Variants in TGS1 observed in about 807,000 individuals in gnomAD.
The protein encoded by TGS1 is trimethylguanosine synthase.
A neutral mutation model predicts 92.2 loss-of-function variants in TGS1; 69 were observed. The observed-to-expected ratio is 0.75, with a 90% CI of 0.62 to 0.91. TGS1 has a LOEUF of 0.91. Among genes scored for constraint, TGS1 ranks in the 40% least tolerant of loss-of-function variants. TGS1 has a pLI of 0.00. For synonymous variants in TGS1, 345 were observed against 338.1 expected, an observed-to-expected ratio of 1.02 and a Z score of -0.22; for missense variants, 1,062 against 1,001.2, an observed-to-expected ratio of 1.06 and a Z score of -0.82.
chr8:55,820,273 G>A (rs1464064274), intron 12 of TGS1, among the ~76,000 whole-genome samples: 3 of 152,102 alleles, frequency 2.0e-5, no homozygotes, highest in Admixed American at 6.6e-5. Context: ...TGCTCCAGGC[G>A]CAGTGGCTTA....
At chr8:55,812,180 GT>G (rs2130231752) in intron 11 of TGS1, among the ~76,000 whole-genome samples, 1 of 151,990 alleles carries the variant, frequency 6.6e-6, no homozygotes, top group South Asian at 2.1e-4. Flanking sequence ...CCTCTCCACC[GT>G]AATCATCTGT....
chr8:55,792,317 C>T (rs546645714), intron 5 of TGS1, among the ~76,000 whole-genome samples: 178 of 152,108 alleles, frequency 1.2e-3, no homozygotes, highest in African/African-American at 4.3e-3. Context: ...ACTTATCAAA[C>T]GTTTCCTTGT....
intron 2 of TGS1, among the ~76,000 whole-genome samples, chr8:55,783,783 A>G (rs959283594): frequency 5.3e-5 from 8 of 152,200 alleles, no homozygotes; most frequent in African/African-American, 1.7e-4. Flanking sequence ...GATGGAACAA[A>G]TTACTGTTTC....
At chr8:55,779,097 T>C (rs1811481360) in intron 1 of TGS1, among the ~76,000 whole-genome samples, 2 of 152,210 alleles carry the variant, frequency 1.3e-5, no homozygotes, top group African/African-American at 4.8e-5. Flanking sequence ...ACAAATCTTC[T>C]ATTTTTGAGG....
intron 1 of TGS1, among the ~76,000 whole-genome samples, chr8:55,774,306 C>T (rs186181616): frequency 6.8e-4 from 103 of 152,206 alleles, no homozygotes; most frequent in African/African-American, 2.4e-3. Context: ...GAATTGTTTC[C>T]TTTATATTAA....
intron 6 of TGS1, among the ~76,000 whole-genome samples, chr8:55,793,105 T>A (rs1811929587): frequency 6.6e-6 from 1 of 152,256 alleles, no homozygotes; most frequent in South Asian, 2.1e-4. Flanking sequence ...TCTTCTCACC[T>A]AGTGTCTCAC....
At chr8:55,776,984 G>T (rs1811419405) in intron 1 of TGS1, among the ~76,000 whole-genome samples, 1 of 151,174 alleles carries the variant, frequency 6.6e-6, no homozygotes, top group Non-Finnish European at 1.5e-5. Context: ...GTTCTTGGGT[G>T]TTTTTTTTGT....
intron 9 of TGS1, among the ~76,000 whole-genome samples, chr8:55,802,842 C>T (rs1425038360): frequency 6.6e-6 from 1 of 152,136 alleles, no homozygotes; most frequent in African/African-American, 2.4e-5. Context: ...TGTATATTTG[C>T]TAAGGACAAG....
rs778088051 is a variant in TGS1 at position 55,790,300 on chromosome 8, G to A, written c.1280+1G>A. ...ATAAGCCAAGCAAACTGAAGAGGAGGTAAGTTACATGAGACCCCTCTCACC... is the reference window on the plus strand; with the variant it reads ...ATAAGCCAAGCAAACTGAAGAGGAGATAAGTTACATGAGACCCCTCTCACC... On this transcript the variant is annotated splice_donor_variant, in intron 5 of 12. Coordinates refer to ENST00000260129, the MANE Select transcript of TGS1 (RefSeq NM_024831.8). LOFTEE classifies it high-confidence loss of function. The A allele has an allele frequency of 1.2e-6, 2 of 1,604,284 alleles. No homozygotes were observed. The highest frequency in any genetic ancestry group is 1.1e-5 in the South Asian group (1 of 90,892).
chr8:55,777,913 T>G (rs1811446237), intron 1 of TGS1, among the ~76,000 whole-genome samples: 1 of 151,394 alleles, frequency 6.6e-6, no homozygotes, highest in Admixed American at 6.6e-5. Flanking sequence ...TTTTTTTTTT[T>G]TTTAATTTAA....
intron 8 of TGS1, 36 bp from the exon 9 acceptor site, chr8:55,802,421 T>A: frequency 6.4e-7 from 1 of 1,574,158 alleles, no homozygotes; most frequent in Non-Finnish European, 8.7e-7. Flanking sequence ...AATTTTTTTC[T>A]TAGTGAGCAT....
chr8:55,781,505 A>G (rs776380839), intron 1 of TGS1, among the ~76,000 whole-genome samples: 12 of 152,204 alleles, frequency 7.9e-5, no homozygotes, highest in Admixed American at 2.6e-4. Context: ...CCAACTTGCA[A>G]CCAACCATAC....
chr8:55,813,544 G>T (rs759016044), intron 12 of TGS1, among the ~76,000 whole-genome samples: 1 of 152,186 alleles, frequency 6.6e-6, no homozygotes, highest in Non-Finnish European at 1.5e-5. Context: ...CTTTGTGCCA[G>T]ATACTCTTGA....
At chr8:55,813,166 C>G in intron 12 of TGS1, 48 bp downstream of exon 12, 1 of 1,315,918 alleles carries the variant, frequency 7.6e-7, no homozygotes, top group Non-Finnish European at 1.1e-6. Flanking sequence ...TTAACTGTTA[C>G]AAGTACGGTA....
chr8:55,786,621 T>C lies in TGS1; in HGVS notation c.723T>C (p.Tyr241=). 1.2e-6 allele frequency: 2 copies of C among 1,614,194 alleles called. No individual in the cohort carries two copies. Among genetic ancestry groups the C allele is most frequent in the East Asian group, 4.5e-5 (2 of 44,880 alleles). The change falls in exon 4 of 13, where the codon TAT becomes TAC. Residue 241 remains tyrosine (Y), a synonymous_variant. Coordinates refer to ENST00000260129, the MANE Select transcript of TGS1 (RefSeq NM_024831.8). ...PDTKEEWEQH[Y]SQLYWYYLEQ... ...CAAAGGAAGAATGGGAGCAACATTATAGTCAACTTTATTGGTATTATTTGG... is the reference window on the plus strand; with the variant it reads ...CAAAGGAAGAATGGGAGCAACATTACAGTCAACTTTATTGGTATTATTTGG...
intron 6 of TGS1, among the ~76,000 whole-genome samples, 191 bp from the exon 7 acceptor site, chr8:55,795,787 T>G (rs1812025181): frequency 6.6e-6 from 1 of 152,214 alleles, no homozygotes; most frequent in Admixed American, 6.5e-5. Context: ...CACATTTGCT[T>G]TAGAATTAAC....
intron 7 of TGS1, among the ~76,000 whole-genome samples, chr8:55,797,317 G>A (rs1407477680): frequency 2.0e-5 from 3 of 152,124 alleles, no homozygotes; most frequent in Admixed American, 2.0e-4. Flanking sequence ...ACCATCACAA[G>A]AAGAGAGTGG....
At position 55,824,680 on chromosome 8, in the gene TGS1, C is replaced by G. The variant is rs756567760; in HGVS notation, c.2539C>G (p.Arg847Gly). 15 of 1,614,120 alleles carry G rather than the reference C, an allele frequency of 9.3e-6. No individual in the cohort carries two copies. Among genetic ancestry groups the G allele is most frequent in the Non-Finnish European group, 1.3e-5 (15 of 1,180,014 alleles). The change falls in exon 13 of 13, where the codon CGA (arginine) becomes GGA (glycine). Residue 847 changes from arginine to glycine, a missense_variant. Transcript: ENST00000260129. Reference protein sequence around the residue: ...TITAYFGDLIRRPASET With the variant: ...TITAYFGDLIGRPASET ...CACTGCATATTTTGGTGACCTAATT[C>G]GAAGACCAGCCTCTGAAACCTAACT... is the stretch of plus-strand genomic sequence containing the variant.
chr8:55,793,558 A>T lies in TGS1; in HGVS notation c.1367+774A>T, dbSNP rs1037047387. 2.0e-5 allele frequency among the ~76,000 whole-genome samples: 3 copies of T among 151,808 alleles called. 1 individual carries two copies. In the South Asian group the frequency reaches 6.2e-4, roughly 32 times the overall value. On this transcript the variant is annotated intron_variant, in intron 6 of 12. Coordinates refer to ENST00000260129, the MANE Select transcript of TGS1 (RefSeq NM_024831.8). ...GCTATGACTACATACATGTACACAC[A>T]TTTTTTGTTTGTTTTGTTTTGTTTT...
Sources: gnomAD v4.1 joint callset for allele counts (sites outside exome capture counted in the v4.1 genomes callset) on GRCh38, gnomAD v4.1.1 for gene constraint, MANE v1.5 for transcripts, NCBI Gene and HGNC (gene_info 2026-07-23, HGNC 2026-07-21) for gene names.